Variants in ALG9 observed in about 807,000 individuals in gnomAD.
ALG9 encodes alpha-1,2-mannosyltransferase ALG9.
In ALG9, 55 loss-of-function variants were observed where a neutral mutation model predicts 81.8. The ratio of observed to expected loss-of-function variants is 0.67; its 90% CI spans 0.54 to 0.84. The LOEUF (loss-of-function observed/expected upper bound fraction) is 0.84. Among genes scored for constraint, ALG9 ranks in the 40% least tolerant of loss-of-function variants. ALG9 has a pLI of 0.00. For missense variants in ALG9, 629 were observed against 745.0 expected (o/e 0.84, Z 1.81); for synonymous variants, 278 against 274.3 (o/e 1.01, Z -0.13).
intron 13 of ALG9, among the ~76,000 whole-genome samples, chr11:111,823,476 T>C (rs1952756123): frequency 6.6e-6 from 1 of 152,198 alleles, no homozygotes; most frequent in Non-Finnish European, 1.5e-5. Flanking sequence ...CTTTTAGTAC[T>C]GAACACAGTT....
intron 1 of ALG9, 62 bp from the exon 2 acceptor site, chr11:111,870,432 A>C (rs1304613911): frequency 6.7e-7 from 1 of 1,491,012 alleles, no homozygotes; most frequent in Non-Finnish European, 8.9e-7. Flanking sequence ...TGCTAATCAG[A>C]AGACCTAAAT....
rs1220002344 is a variant in ALG9, at chr11:111,834,797, CA to C, written c.1602+1367del. Among the ~76,000 whole-genome samples, 6 of 152,196 alleles carry C rather than the reference CA, an allele frequency of 3.9e-5. No homozygotes were observed. In the South Asian group the frequency reaches 1.2e-3, roughly 32 times the overall value. On this transcript the variant is annotated intron_variant, in intron 13 of 14. Transcript: ENST00000616540. ...AATGATGCCCTGCACTCAGGAGACT[CA>C]TATCTGCAGATAAAATTAAAATGAC...
chr11:111,789,200 A>T (rs4245045), intron 14 of ALG9, among the ~76,000 whole-genome samples: 2 of 151,894 alleles, frequency 1.3e-5, no homozygotes, highest in African/African-American at 4.8e-5. Context: ...TTGGTAGTTC[A>T]TAATTTTATT....
chr11:111,835,530 A>G (rs1955092775), intron 13 of ALG9, among the ~76,000 whole-genome samples: 1 of 152,230 alleles, frequency 6.6e-6, no homozygotes, highest in South Asian at 2.1e-4. Flanking sequence ...GGTCCACCTG[A>G]TAACTTGAAA....
At position 111,785,945 on chromosome 11, in the gene ALG9, C is replaced by T. The variant is rs1269472996; in HGVS notation, c.*452G>A. ...CAATAAGAAGGTCTGCTAGGAGCTG[C>T]CAAACAGCTTTGGTGGAGAAGCCCA... On this transcript the variant is annotated 3_prime_UTR_variant, in exon 15 of 15. Transcript: ENST00000616540. The T allele has an allele frequency of 2.3e-6, 1 of 437,412 alleles. No homozygotes were observed. Among genetic ancestry groups the T allele is most frequent in the Non-Finnish European group, 4.6e-6 (1 of 218,358 alleles). 27.1% of individuals were successfully genotyped at this position (437,412 alleles called of 1,614,324 possible).
downstream of ALG9, among the ~76,000 whole-genome samples, chr11:111,781,039 TA>T (rs1555056719): frequency 2.0e-5 from 3 of 152,120 alleles, no homozygotes; most frequent in African/African-American, 7.2e-5. Flanking sequence ...GACTCAGCCC[TA>T]AAAGTAACAG....
In ALG9 at chr11:111,786,332, G is replaced by A; in HGVS notation, c.*65C>T. ...CAAATGTTACAGGCGATGACTTGCA[G>A]GGAGTCAGGTCACTGGAATCAATAG... On this transcript the variant is annotated 3_prime_UTR_variant, in exon 15 of 15. Coordinates refer to ENST00000616540, the MANE Select transcript of ALG9 (RefSeq NM_024740.2). The A allele has an allele frequency of 6.2e-7, 1 of 1,607,370 alleles. No homozygotes were observed. The highest frequency in any genetic ancestry group is 8.5e-7 in the Non-Finnish European group (1 of 1,175,636).
rs185701669 is a variant in ALG9 at position 111,831,233 on chromosome 11, G to A, written c.1602+4932C>T. ...TTTTTGTATTTTTAGTAGAGACGGG[G>A]TTTCACCATGTTGGCCAAGCTGATC... On this transcript the variant is annotated intron_variant, in intron 13 of 14. Transcript: ENST00000616540. Among the ~76,000 whole-genome samples the A allele has an allele frequency of 2.4e-4, 37 of 152,166 alleles. No individual in the cohort carries two copies. The East Asian group carries it at 7.0e-3, about 29-fold the overall frequency.
chr11:111,867,089 C>T (rs1962737045), intron 3 of ALG9, among the ~76,000 whole-genome samples: 2 of 152,124 alleles, frequency 1.3e-5, no homozygotes, highest in Admixed American at 6.6e-5. Flanking sequence ...AGTGAGACTT[C>T]GTCTCAAAAA....
chr11:111,820,621 A>G (rs1352296577), intron 13 of ALG9, among the ~76,000 whole-genome samples: 1 of 152,230 alleles, frequency 6.6e-6, no homozygotes, highest in Non-Finnish European at 1.5e-5. Flanking sequence ...CACAAACCAT[A>G]GCATTAACTC....
At chr11:111,832,013 C>T (rs941728972) in intron 13 of ALG9, among the ~76,000 whole-genome samples, 17 of 152,232 alleles carry the variant, frequency 1.1e-4, no homozygotes, top group African/African-American at 4.1e-4. Flanking sequence ...TAGGAATACA[C>T]ATAGTGTATA....
intron 6 of ALG9, among the ~76,000 whole-genome samples, chr11:111,856,001 G>A (rs552709613): frequency 5.3e-4 from 80 of 152,134 alleles, no homozygotes; most frequent in Non-Finnish European, 8.2e-4. Context: ...TCACTGGGCC[G>A]GACACGATGG....
chr11:111,868,587 T>G lies in ALG9; in HGVS notation c.405+15A>C, dbSNP rs781783652. On this transcript the variant is annotated intron_variant, in intron 3 of 14. Transcript: ENST00000616540. The stretch of plus-strand genomic sequence containing the variant: ...TTGATCAATTGTGATTGCTTCCAGG[T>G]TGGTCTGCCCTTACCTTATTAGTTT... 6.8e-6 allele frequency: 11 copies of G among 1,612,202 alleles called. No homozygotes were observed. In the African/African-American group the frequency reaches 1.5e-4, roughly 22 times the overall value.
the ALG9 span, chr11:111,768,651 G>A: frequency 6.7e-6 from 1 of 148,304 alleles, no homozygotes; most frequent in Non-Finnish European, 1.5e-5. Flanking sequence ...AAAAATTATT[G>A]TGTTGTGTGT....
At position 111,783,752 on chromosome 11, in the gene ALG9, A is replaced by C. The variant is rs1489439444; in HGVS notation, c.*2645T>G. 6.6e-6 allele frequency: 1 copy of C among 152,186 alleles called. No homozygotes were observed. The highest frequency in any genetic ancestry group is 3.2e-3 in the Middle Eastern group (1 of 316). The allele number at this position is 152,186 out of a possible 1,614,324, so 9.4% of individuals were successfully genotyped here. On this transcript the variant is annotated 3_prime_UTR_variant, in exon 15 of 15. Transcript: ENST00000616540. The stretch of plus-strand genomic sequence containing the variant: ...ACATTCATTTCTATATTCCTTACCT[A>C]TAACATTTGGCACAGCGTTCTGCCA...
Position 111,800,078 on chromosome 11 carries a change from C to A in ALG9, c.1733+9565G>T, listed in dbSNP as rs772710789. Among the ~76,000 whole-genome samples, 29 of 152,162 alleles carry A rather than the reference C, an allele frequency of 1.9e-4. 1 individual carries two copies. The highest frequency in any genetic ancestry group is 2.0e-4 in the Admixed American group (3 of 15,280). ...GCACATGATTTGGTGCCTCTATGGT[C>A]TTAACACTATTTTCAAGTTGTTTTC... On this transcript the variant is annotated intron_variant, in intron 14 of 14. Coordinates refer to ENST00000616540, the MANE Select transcript of ALG9 (RefSeq NM_024740.2).
At chr11:111,809,858 TAC>T in intron 13 of ALG9, 85 bp from the exon 14 acceptor site, 1 of 1,498,150 alleles carries the variant, frequency 6.7e-7, no homozygotes, top group Admixed American at 1.7e-5. Flanking sequence ...CCTAAAAATT[TAC>T]AGAGCTTTGG....
intron 14 of ALG9, among the ~76,000 whole-genome samples, chr11:111,797,754 T>C (rs1948519664): frequency 6.6e-6 from 1 of 152,228 alleles, no homozygotes; most frequent in East Asian, 1.9e-4. Context: ...CAATGGACTC[T>C]GTAGGCCTCA....
chr11:111,820,920 G>GCGCGCACA (rs72334123), intron 13 of ALG9, among the ~76,000 whole-genome samples: 1 of 146,264 alleles, frequency 6.8e-6, no homozygotes, highest in African/African-American at 2.5e-5. Flanking sequence ...AAACACGCGC[G>GCGCGCACA]CACACACACA....
Sources: gnomAD v4.1 joint callset for allele counts (sites outside exome capture counted in the v4.1 genomes callset) on GRCh38, gnomAD v4.1.1 for gene constraint, MANE v1.5 for transcripts, NCBI Gene and HGNC (gene_info 2026-07-23, HGNC 2026-07-21) for gene names.